The following SLC14A2 variants were observed in gnomAD, a reference collection of about 807,000 sequenced individuals.
The protein encoded by SLC14A2 is urea transporter 2.
SLC14A2 carries 91 observed loss-of-function variants against 104.6 expected under a neutral mutation model. The ratio of observed to expected loss-of-function variants is 0.87; its 90% confidence interval spans 0.73 to 1.04. The LOEUF (loss-of-function observed/expected upper bound fraction) is 1.04, where lower values mean the gene tolerates loss of function less well. Among genes scored for constraint, SLC14A2 ranks in the 50% least tolerant of loss-of-function variants. SLC14A2 has a pLI of 0.00. For missense variants in SLC14A2, 1,189 were observed against 1,156.0 expected, an observed-to-expected ratio of 1.03 and a Z score of -0.41; for synonymous variants, 476 against 466.4, an observed-to-expected ratio of 1.02 and a Z score of -0.27.
At chr18:45,541,369 C>T (rs1008715931) in intron 2 of SLC14A2, among the ~76,000 whole-genome samples, 4 of 152,240 alleles carry the variant, frequency 2.6e-5, no homozygotes, top group African/African-American at 4.8e-5. Context: ...TCGCATTAGC[C>T]ATCTGGCCAG....
chr18:45,648,486 T>C (rs2045666411), intron 10 of SLC14A2, among the ~76,000 whole-genome samples: 1 of 152,208 alleles, frequency 6.6e-6, no homozygotes, highest in Non-Finnish European at 1.5e-5. Context: ...ATTACAGGCA[T>C]GAGCCACCAC....
intron 10 of SLC14A2, among the ~76,000 whole-genome samples, chr18:45,656,280 T>C (rs1313964358): frequency 6.6e-6 from 1 of 151,992 alleles, no homozygotes; most frequent in East Asian, 1.9e-4. Context: ...CCTTGAAAGA[T>C]GGATAGAACT....
At chr18:45,567,201 A>G (rs542778162) in intron 2 of SLC14A2, among the ~76,000 whole-genome samples, 54 of 152,216 alleles carry the variant, frequency 3.5e-4, no homozygotes, top group African/African-American at 1.1e-3. Context: ...GAAGAGACCC[A>G]CTTGCTCCTG....
intron 2 of SLC14A2, among the ~76,000 whole-genome samples, chr18:45,531,320 T>C (rs1286538438): frequency 6.6e-6 from 1 of 152,190 alleles, no homozygotes; most frequent in Non-Finnish European, 1.5e-5. Context: ...CCACCAACAG[T>C]GTAAAAGTGT....
Position 45,672,959 on chromosome 18 carries a change from T to C in SLC14A2, c.2289T>C (p.Thr763=), listed in dbSNP as rs2046166594. 4 of 1,614,080 alleles carry C rather than the reference T, an allele frequency of 2.5e-6. No homozygotes were observed. The highest frequency in any genetic ancestry group is 1.1e-5 in the South Asian group (1 of 91,094). Residue 763 remains threonine, a synonymous_variant, in exon 17 of 20, where the codon ACT becomes ACC. Transcript: ENST00000255226. ...TGTACGGCTGTGATAACCCCTGGAC[T>C]GGAGGCATCTTCCTCATAGCTCTGT... ...GQVYGCDNPW[T]GGIFLIALFI... is the part of the protein sequence containing the mutation.
chr18:45,619,261 G>T (rs1464635039), intron 1 of SLC14A2, among the ~76,000 whole-genome samples: 1 of 152,272 alleles, frequency 6.6e-6, no homozygotes, highest in Non-Finnish European at 1.5e-5. Flanking sequence ...TGGGAGGGCA[G>T]GGCAGCCGCT....
intron 2 of SLC14A2, among the ~76,000 whole-genome samples, chr18:45,486,531 C>G (rs1453025837): frequency 6.6e-6 from 1 of 152,160 alleles, no homozygotes; most frequent in Non-Finnish European, 1.5e-5. Flanking sequence ...TGCAGGTCCA[C>G]TAGCAAAAAG....
chr18:45,492,716 C>A (rs1193407617), intron 2 of SLC14A2, among the ~76,000 whole-genome samples: 1 of 152,156 alleles, frequency 6.6e-6, no homozygotes, highest in Non-Finnish European at 1.5e-5. Flanking sequence ...CTAGCTGGTT[C>A]GCAGCTAATA....
intron 1 of SLC14A2, among the ~76,000 whole-genome samples, chr18:45,277,471 C>T (rs1022721538): frequency 1.3e-5 from 2 of 152,096 alleles, no homozygotes; most frequent in Admixed American, 6.5e-5. Context: ...CGCAGTGGTG[C>T]GATCATAGCT....
chr18:45,520,390 G>T (rs1443703524), intron 2 of SLC14A2, among the ~76,000 whole-genome samples: 1 of 152,128 alleles, frequency 6.6e-6, no homozygotes, highest in Non-Finnish European at 1.5e-5. Context: ...GGTGCAGGCT[G>T]CGAGTCCATG....
upstream of SLC14A2, among the ~76,000 whole-genome samples, chr18:45,611,635 C>T (rs1160974320): frequency 1.3e-5 from 2 of 152,210 alleles, no homozygotes; most frequent in African/African-American, 2.4e-5. Flanking sequence ...TAAGGACTCA[C>T]ATGCCCACAG....
Position 45,626,972 on chromosome 18 carries a change from C to G in SLC14A2, c.346C>G (p.Leu116Val). The change falls in exon 4 of 20, where the codon CTC (leucine) becomes GTC (valine). Residue 116 changes from leucine to valine, a missense_variant. By Grantham distance (32) the Leu-to-Val change is conservative. Transcript: ENST00000255226. ...RIWLKDKHLA[L>V]QFIDWVLRGT... is the part of the protein sequence containing the mutation. The stretch of plus-strand genomic sequence containing the variant: ...GTCTCTTTCAGACAAGCACCTTGCC[C>G]TCCAGTTCATAGACTGGGTCCTGAG... The G allele has an allele frequency of 6.2e-7, 1 of 1,611,298 alleles. No homozygotes were observed.
chr18:45,639,646 A>G, intron 6 of SLC14A2, 100 bp from the exon 7 acceptor site: 5 of 1,153,968 alleles, frequency 4.3e-6, no homozygotes, highest in Non-Finnish European at 6.3e-6. Flanking sequence ...CTCCCGTTCC[A>G]CTCCATTACT....
intron 1 of SLC14A2, among the ~76,000 whole-genome samples, chr18:45,624,428 C>T (rs2045226708): frequency 6.6e-6 from 1 of 152,156 alleles, no homozygotes; most frequent in African/African-American, 2.4e-5. Context: ...GCCAAATGGA[C>T]ATTCTTCTGG....
At chr18:45,253,329 A>G (rs1200639016) in intron 1 of SLC14A2, among the ~76,000 whole-genome samples, 1 of 152,202 alleles carries the variant, frequency 6.6e-6, no homozygotes, top group Non-Finnish European at 1.5e-5. Flanking sequence ...ATGGGAAAAT[A>G]GAAAACACGG....
Position 45,394,453 on chromosome 18 carries a change from G to A in SLC14A2, c.-124-88780G>A, listed in dbSNP as rs552753920. On this transcript the variant is annotated intron_variant, in intron 1 of 20. Transcript: ENST00000586448. ...AAATTTGTAGCTTTCTTTGAAACTC[G>A]AAGTGCTTTGGTTACTTTAAATTTT... is the stretch of plus-strand genomic sequence containing the variant. Among the ~76,000 whole-genome samples the A allele has an allele frequency of 1.5e-4, 23 of 149,488 alleles. No homozygotes were observed. In the South Asian group the frequency reaches 3.8e-3, roughly 24 times the overall value.
the SLC14A2 span, among the ~76,000 whole-genome samples, chr18:45,205,653 A>C: frequency 6.6e-6 from 1 of 152,208 alleles, no homozygotes; most frequent in Non-Finnish European, 1.5e-5. Context: ...AAATCCTGTC[A>C]CTAGCAAACC....
chr18:45,495,295 T>C (rs963684034), intron 2 of SLC14A2, among the ~76,000 whole-genome samples: 1 of 151,960 alleles, frequency 6.6e-6, no homozygotes, highest in Admixed American at 6.5e-5. Context: ...AGTAGAAAAA[T>C]AGGAAATAAA....
intron 1 of SLC14A2, among the ~76,000 whole-genome samples, chr18:45,371,246 A>G (rs991372810): frequency 6.6e-6 from 1 of 152,096 alleles, no homozygotes; most frequent in Non-Finnish European, 1.5e-5. Context: ...CCTTCTGTTC[A>G]CCAAACTGGA....
Sources: gnomAD v4.1 joint callset for allele counts (sites outside exome capture counted in the v4.1 genomes callset) on GRCh38, gnomAD v4.1.1 for gene constraint, MANE v1.5 for transcripts, NCBI Gene and HGNC (gene_info 2026-07-23, HGNC 2026-07-21) for gene names.